The following ZNF717 variants were observed in gnomAD, a reference collection of about 807,000 sequenced individuals.
ZNF717 encodes zinc finger protein 717.
In ZNF717, 9 loss-of-function variants were observed where a neutral mutation model predicts 13.8. That is an observed-to-expected ratio of 0.65 (90% CI 0.39 to 1.14). The LOEUF is 1.14. ZNF717 is among the 50% of genes most tolerant of loss of function. The pLI is 0.01. For synonymous variants in ZNF717, 327 were observed against 364.1 expected, an observed-to-expected ratio of 0.90 and a Z score of 1.16; for missense variants, 1,040 against 1,080.7, an observed-to-expected ratio of 0.96 and a Z score of 0.53.
chr3:75,772,473 T>C (rs1344591144), intron 2 of ZNF717, among the ~76,000 whole-genome samples: 2 of 152,196 alleles, frequency 1.3e-5, no homozygotes, highest in African/African-American at 4.8e-5. Flanking sequence ...GACACCTTCT[T>C]TGGGGCTCTG....
At position 75,739,229 on chromosome 3, in the gene ZNF717, T is replaced by C. The variant is rs1940013058; in HGVS notation, c.394A>G (p.Lys132Glu). 3 of 1,550,180 alleles carry C rather than the reference T, an allele frequency of 1.9e-6. No homozygotes were observed. The Admixed American group carries it at 5.9e-5, about 31-fold the overall frequency. ...TGGTTTGAGTTCAAATTAAATGTTT[T>C]TCCTAATTCAACTCTCTCCTGAGTT... is the stretch of plus-strand genomic sequence containing the variant. ...TSTQERVELG[K>E]TFNLNSNHVL... The change falls in exon 5 of 5, where the codon AAA becomes GAA. Residue 132 changes from lysine (K) to glutamate (E), a missense_variant. Around this residue, in one of 3 missense-constraint regions of ZNF717, gnomAD observed 123 missense variants for 177.8 expected, o/e 0.69. Transcript: ENST00000652011.
At chr3:75,768,606 G>T (rs1943673659) in intron 2 of ZNF717, among the ~76,000 whole-genome samples, 1 of 150,006 alleles carries the variant, frequency 6.7e-6, no homozygotes, top group Admixed American at 6.6e-5. Flanking sequence ...GTGTGGGAGG[G>T]GGGTAGATGA....
At chr3:75,747,334 G>A (rs1262106735) in intron 2 of ZNF717, among the ~76,000 whole-genome samples, 3 of 152,128 alleles carry the variant, frequency 2.0e-5, no homozygotes, top group Non-Finnish European at 4.4e-5. Flanking sequence ...GACTGACTTG[G>A]CAATGTGGGC....
chr3:75,697,129 A>G (rs1937612647), intron 6 of ZNF717, among the ~76,000 whole-genome samples: 1 of 152,308 alleles, frequency 6.6e-6, no homozygotes, highest in Admixed American at 6.5e-5. Flanking sequence ...GATGACAAGA[A>G]TGTCCACTTT....
At position 75,737,427 on chromosome 3, in the gene ZNF717, A is replaced by G. The variant is rs1158615875; in HGVS notation, c.2196T>C (p.Asn732=). ...KVFTRGRNPM[N]VANVEKPCQK... ...GACAAGGTTTTTCCACATTTGCTACATTCATAGGGTTTCTCCCCCGTGTGA... is the reference window on the plus strand; with the variant it reads ...GACAAGGTTTTTCCACATTTGCTACGTTCATAGGGTTTCTCCCCCGTGTGA... Residue 732 remains asparagine, a synonymous_variant, in exon 5 of 5, where the codon AAT becomes AAC. Coordinates refer to ENST00000652011, the MANE Select transcript of ZNF717 (RefSeq NM_001290208.3). The G allele has an allele frequency of 2.4e-5, 37 of 1,554,836 alleles. 1 individual carries two copies. In the Admixed American group the frequency reaches 6.4e-4, roughly 27 times the overall value.
intron 2 of ZNF717, among the ~76,000 whole-genome samples, chr3:75,753,034 G>A (rs1387210245): frequency 1.2e-4 from 17 of 144,976 alleles, no homozygotes; most frequent in African/African-American, 4.4e-4. Context: ...CCTCACATAG[G>A]ATTCCAGAAC....
At chr3:75,785,042 TGAA>T (rs1245236427) in intron 1 of ZNF717, 9 of 152,038 alleles carry the variant, frequency 5.9e-5, no homozygotes, top group Admixed American at 5.9e-4. Flanking sequence ...GGTCACACAG[TGAA>T]GGAGGGAACC....
rs767709298 is a variant in ZNF717, at chr3:75,741,635, C to A, written c.159G>T (p.Glu53Asp). Reference protein sequence around the residue: ...QRTLYRDVMLETYSSLVSLGH... With the variant: ...QRTLYRDVMLDTYSSLVSLGH... ...CCAATGATACCAGGCTGCTGTAGGTCTCCAGCATCACGTCCCTGTACAGGG... is the reference window on the plus strand; with the variant it reads ...CCAATGATACCAGGCTGCTGTAGGTATCCAGCATCACGTCCCTGTACAGGG... Residue 53 changes from glutamate (E) to aspartate (D), a missense_variant, in exon 3 of 5, where the codon GAG (glutamate) becomes GAT (aspartate). By Grantham distance (45) the Glu-to-Asp change is conservative (BLOSUM62 2). Coordinates refer to ENST00000652011, the MANE Select transcript of ZNF717 (RefSeq NM_001290208.3). The A allele has an allele frequency of 2.5e-6, 4 of 1,605,814 alleles. No individual in the cohort carries two copies. Among genetic ancestry groups the A allele is most frequent in the Non-Finnish European group, 3.4e-6 (4 of 1,174,662 alleles).
intron 5 of ZNF717, among the ~76,000 whole-genome samples, chr3:75,713,553 G>T (rs1340450654): frequency 2.6e-5 from 4 of 152,168 alleles, no homozygotes; most frequent in African/African-American, 9.7e-5. Context: ...TTTTATGGGT[G>T]AGAACAATTT....
At chr3:75,751,535 G>A (rs370082473) in intron 2 of ZNF717, among the ~76,000 whole-genome samples, 1 of 149,986 alleles carries the variant, frequency 6.7e-6, no homozygotes, top group East Asian at 2.0e-4. Flanking sequence ...CCAGAACACT[G>A]CTGCTGGGTT....
chr3:75,782,030 C>A (rs61186626), intron 2 of ZNF717, among the ~76,000 whole-genome samples: 1 of 152,024 alleles, frequency 6.6e-6, no homozygotes, highest in Admixed American at 6.6e-5. Context: ...GAATTTCGTG[C>A]GTTAGCCATC....
intron 2 of ZNF717, among the ~76,000 whole-genome samples, chr3:75,759,958 T>C (rs1358307328): frequency 6.6e-6 from 1 of 152,242 alleles, no homozygotes; most frequent in Non-Finnish European, 1.5e-5. Context: ...TTATGTCAGG[T>C]TGCTGTGTCA....
At chr3:75,746,095 T>A (rs1941146034) in intron 2 of ZNF717, among the ~76,000 whole-genome samples, 1 of 152,108 alleles carries the variant, frequency 6.6e-6, no homozygotes, top group African/African-American at 2.4e-5. Flanking sequence ...CATTGTTCAA[T>A]TCCGACCTAT....
At chr3:75,703,554 A>G (rs1268186933) in intron 6 of ZNF717, among the ~76,000 whole-genome samples, 2 of 152,136 alleles carry the variant, frequency 1.3e-5, no homozygotes, top group Non-Finnish European at 2.9e-5. Flanking sequence ...ATAAATAAAT[A>G]AATAAAAATA....
At chr3:75,780,498 G>A (rs186030900) in intron 2 of ZNF717, among the ~76,000 whole-genome samples, 279 of 152,088 alleles carry the variant, frequency 1.8e-3, no homozygotes, top group African/African-American at 6.0e-3. Context: ...TCCGCCTCCC[G>A]GGTTCAGGCC....
At chr3:75,772,913 C>A (rs13061980) in intron 2 of ZNF717, among the ~76,000 whole-genome samples, 157 of 141,708 alleles carry the variant, frequency 1.1e-3, no homozygotes, top group South Asian at 2.5e-3. Flanking sequence ...GGATTTCAGA[C>A]CTCCATGGAT....
intron 2 of ZNF717, among the ~76,000 whole-genome samples, chr3:75,749,148 G>T (rs1464298093): frequency 6.6e-6 from 1 of 151,680 alleles, no homozygotes; most frequent in African/African-American, 2.4e-5. Flanking sequence ...TGCTACGAGG[G>T]TCTGAATGGT....
At chr3:75,754,688 A>G (rs373879716) in intron 2 of ZNF717, among the ~76,000 whole-genome samples, 2 of 143,610 alleles carry the variant, frequency 1.4e-5, no homozygotes, top group Non-Finnish European at 1.6e-5. Flanking sequence ...GAAATGAACA[A>G]AAGATGATAT....
chr3:75,720,699 T>C (rs2918477), intron 4 of ZNF717, among the ~76,000 whole-genome samples: 127,570 of 150,604 alleles, frequency 0.85, 53,099 homozygotes, highest in East Asian at 0.89. Context: ...AAATAATTAT[T>C]AAGTTGGGCA....
Sources: gnomAD v4.1 joint callset for allele counts (sites outside exome capture counted in the v4.1 genomes callset) on GRCh38, gnomAD v4.1.1 for gene constraint, gnomAD v4.1.1 regional missense constraint, MANE v1.5 for transcripts, NCBI Gene and HGNC (gene_info 2026-07-23, HGNC 2026-07-21) for gene names.